The following NFIB variants were observed in gnomAD, a reference collection of about 807,000 sequenced individuals.
The protein encoded by NFIB is nuclear factor 1 B-type.
NFIB carries 11 observed loss-of-function variants against 61.5 expected under a neutral mutation model. The observed-to-expected ratio is 0.18, with a 90% CI of 0.11 to 0.30. The LOEUF (loss-of-function observed/expected upper bound fraction) is 0.30, where lower values mean the gene tolerates loss of function less well. Ranked by LOEUF, NFIB falls within the 10% of genes least tolerant of loss-of-function variation. The probability of loss-of-function intolerance (pLI) is 1.00; values close to 1 mark genes in which losing one functional copy is unlikely to be tolerated. For missense variants in NFIB, 471 were observed against 608.9 expected (o/e 0.77, Z 2.38); for synonymous variants, 260 against 216.5 (o/e 1.20, Z -1.76).
At chr9:14,498,889 G>T in the NFIB span, among the ~76,000 whole-genome samples, 5 of 151,134 alleles carry the variant, frequency 3.3e-5, no homozygotes, top group African/African-American at 9.7e-5. Flanking sequence ...TCCCTTATGT[G>T]TAAGGCTCTG....
chr9:14,316,654 C>T (rs1199594961), upstream of NFIB, among the ~76,000 whole-genome samples: 1 of 152,156 alleles, frequency 6.6e-6, no homozygotes, highest in African/African-American at 2.4e-5. Context: ...AAATTTTAGG[C>T]AACCTCATCT....
At chr9:14,320,347 G>A (rs1204085266) in intron 1 of NFIB, among the ~76,000 whole-genome samples, 1 of 152,128 alleles carries the variant, frequency 6.6e-6, no homozygotes, top group African/African-American at 2.4e-5. Context: ...TAATTTTATT[G>A]CCAAAGTACT....
chr9:14,512,893 G>C, the NFIB span, among the ~76,000 whole-genome samples: 1 of 116,612 alleles, frequency 8.6e-6, no homozygotes, highest in East Asian at 2.6e-4. Context: ...TTGAAACTTC[G>C]AAAGAATTTT....
the NFIB span, among the ~76,000 whole-genome samples, chr9:14,515,242 C>T: frequency 4.3e-4 from 66 of 152,020 alleles, no homozygotes; most frequent in East Asian, 9.5e-3. Context: ...ACCCCGTGGG[C>T]AGGGAATCAG....
the NFIB span, among the ~76,000 whole-genome samples, chr9:14,517,044 G>C: frequency 1.3e-5 from 2 of 152,160 alleles, no homozygotes; most frequent in South Asian, 2.1e-4. Flanking sequence ...ACAAATTATG[G>C]GTTTCCTCTC....
At chr9:14,141,512 C>A (rs938239637) in intron 6 of NFIB, among the ~76,000 whole-genome samples, 1 of 151,996 alleles carries the variant, frequency 6.6e-6, no homozygotes, top group Non-Finnish European at 1.5e-5. Context: ...CTCTCATAAT[C>A]TTATTTATTT....
At chr9:14,332,330 C>CAAAAAAAAAAAAAAAAAAAA (rs5896627) in intron 1 of NFIB, among the ~76,000 whole-genome samples, 1 of 108,100 alleles carries the variant, frequency 9.3e-6, no homozygotes, top group Non-Finnish European at 1.8e-5. Context: ...GAGACTCCGT[C>CAAAAAAAAAAAAAAAAAAAA]AAAAAAAAAA....
chr9:14,299,126 C>G (rs2059612812), intron 2 of NFIB, among the ~76,000 whole-genome samples: 2 of 152,308 alleles, frequency 1.3e-5, no homozygotes, highest in Admixed American at 1.3e-4. Context: ...TAAATGTAAT[C>G]CACCACTCAC....
chr9:14,515,502 G>C, the NFIB span, among the ~76,000 whole-genome samples: 1 of 152,112 alleles, frequency 6.6e-6, no homozygotes, highest in Non-Finnish European at 1.5e-5. Flanking sequence ...CTCTAGCCAG[G>C]TGTTTCTCTA....
intron 2 of NFIB, among the ~76,000 whole-genome samples, chr9:14,256,920 C>G (rs2056271978): frequency 1.3e-5 from 2 of 152,138 alleles, no homozygotes; most frequent in South Asian, 4.1e-4. Flanking sequence ...TTGTCACTAC[C>G]CCAGTTCTGA....
the NFIB span, among the ~76,000 whole-genome samples, chr9:14,486,415 T>C: frequency 6.6e-6 from 1 of 152,152 alleles, no homozygotes; most frequent in Non-Finnish European, 1.5e-5. Flanking sequence ...GGCAAGAGAC[T>C]ATTCTAGAAG....
chr9:14,264,989 AAC>A (rs1438010975), intron 2 of NFIB, among the ~76,000 whole-genome samples: 6 of 152,168 alleles, frequency 3.9e-5, no homozygotes, highest in African/African-American at 1.4e-4. Context: ...AGTTATTATC[AAC>A]AGTGTTAAGT....
intron 6 of NFIB, among the ~76,000 whole-genome samples, chr9:14,128,128 G>A (rs1286063480): frequency 6.6e-6 from 1 of 151,960 alleles, no homozygotes; most frequent in Non-Finnish European, 1.5e-5. Flanking sequence ...TACAAATATA[G>A]GCCTCTAACT....
the NFIB span, among the ~76,000 whole-genome samples, chr9:14,423,375 C>T: frequency 1.3e-5 from 2 of 152,156 alleles, no homozygotes; most frequent in East Asian, 1.9e-4. Flanking sequence ...GTAAATCAAG[C>T]CCTCTTACAC....
chr9:14,496,171 C>T, the NFIB span, among the ~76,000 whole-genome samples: 1 of 152,160 alleles, frequency 6.6e-6, no homozygotes, highest in Admixed American at 6.5e-5. Context: ...AGAAGTGCTT[C>T]AAATTTTTTA....
intron 10 of NFIB, among the ~76,000 whole-genome samples, chr9:14,095,986 T>G (rs1288015955): frequency 6.6e-6 from 1 of 152,172 alleles, no homozygotes; most frequent in East Asian, 1.9e-4. Flanking sequence ...CCATTTCTTT[T>G]ATCATTTATT....
At chr9:14,200,961 C>T (rs1289385641) in intron 2 of NFIB, among the ~76,000 whole-genome samples, 1 of 152,194 alleles carries the variant, frequency 6.6e-6, no homozygotes, top group Non-Finnish European at 1.5e-5. Flanking sequence ...ATGGCATTCA[C>T]AGCCATTCAG....
chr9:14,327,404 G>A (rs2060768121), intron 1 of NFIB, among the ~76,000 whole-genome samples: 1 of 152,298 alleles, frequency 6.6e-6, no homozygotes, highest in South Asian at 2.1e-4. Context: ...TATATTTTGT[G>A]TCTATATTCC....
In NFIB at chr9:14,313,388, G is replaced by C. The variant is rs2060384472; in HGVS notation, c.30+94C>G. 1 of 1,565,758 alleles carries C rather than the reference G, an allele frequency of 6.4e-7. No individual in the cohort carries two copies. The highest frequency in any genetic ancestry group is 1.4e-5 in the African/African-American group (1 of 73,686). The stretch of plus-strand genomic sequence containing the variant: ...CTTCTCCAAGGGACGGGGATGTGCG[G>C]AGGTTAACTCAAGCCGCTAATTGTC... On this transcript the variant is annotated intron_variant, in intron 1 of 10. Coordinates refer to ENST00000380953, the MANE Select transcript of NFIB (RefSeq NM_001190737.2). This position sits in a 1 kb window ranked among gnomAD's most constrained non-coding sequence, Gnocchi z 4.5.
Sources: allele counts gnomAD v4.1 joint callset (sites outside exome capture counted in the v4.1 genomes callset), GRCh38; gene constraint gnomAD v4.1.1; non-coding constraint Gnocchi (gnomAD v3.1); transcripts MANE v1.5; gene names NCBI Gene and HGNC (gene_info 2026-07-23, HGNC 2026-07-21).